LMTK2: variants seen among roughly 807,000 people sequenced by gnomAD.
LMTK2 encodes the protein lemur tail kinase 2, also known as serine/threonine-protein kinase LMTK2.
LMTK2 carries 37 observed loss-of-function variants against 127.5 expected under a neutral mutation model. The ratio of observed to expected loss-of-function variants is 0.29; its 90% CI spans 0.22 to 0.38. The LOEUF (loss-of-function observed/expected upper bound fraction) is 0.38. Among genes scored for constraint, LMTK2 ranks in the 10% least tolerant of loss-of-function variants. The pLI, the probability that LMTK2 is intolerant of heterozygous loss-of-function variation, is 1.00. For missense variants in LMTK2, 1,694 were observed against 1,920.3 expected, an observed-to-expected ratio of 0.88 and a Z score of 2.20; for synonymous variants, 819 against 810.1, an observed-to-expected ratio of 1.01 and a Z score of -0.19.
At chr7:98,174,526 C>A (rs1253102431) in intron 7 of LMTK2, among the ~76,000 whole-genome samples, 2 of 152,186 alleles carry the variant, frequency 1.3e-5, no homozygotes, top group Admixed American at 1.3e-4. Context: ...ACTTCCTGTC[C>A]CCTGCCTGCC....
intron 7 of LMTK2, among the ~76,000 whole-genome samples, chr7:98,179,087 C>T (rs1030024557): frequency 2.6e-5 from 4 of 152,232 alleles, no homozygotes; most frequent in Admixed American, 6.5e-5. Context: ...AGAAGCATTG[C>T]CTTTTCCCCT....
intron 1 of LMTK2, among the ~76,000 whole-genome samples, chr7:98,110,846 C>G (rs1246423008): frequency 6.6e-6 from 1 of 152,216 alleles, no homozygotes; most frequent in Non-Finnish European, 1.5e-5. Flanking sequence ...CAGTGGGACT[C>G]AGCTACTGAT....
chr7:98,186,874 C>T lies in LMTK2; in HGVS notation c.877-3C>T, dbSNP rs1395107583. 5 of 1,610,422 alleles carry T rather than the reference C, an allele frequency of 3.1e-6. No individual in the cohort carries two copies. The South Asian group carries it at 5.5e-5, about 18-fold the overall frequency. ...AAATTCTGTGTGCTTTCTAACAAAA[C>T]AGGAGGATTATATTGAAACAGATGA... On this transcript the variant is annotated splice_region_variant and splice_polypyrimidine_tract_variant and intron_variant, in intron 8 of 13. Coordinates refer to ENST00000297293, the MANE Select transcript of LMTK2 (RefSeq NM_014916.4).
At chr7:98,129,035 T>A (rs1219873037) in intron 1 of LMTK2, among the ~76,000 whole-genome samples, 1 of 152,104 alleles carries the variant, frequency 6.6e-6, no homozygotes, top group Non-Finnish European at 1.5e-5. Context: ...TGAAGGATGC[T>A]TCTCTTATAA....
Position 98,193,731 on chromosome 7 carries a change from C to T in LMTK2, c.3266C>T (p.Pro1089Leu), listed in dbSNP as rs36046579. The change falls in exon 11 of 14, where the codon CCT becomes CTT. Residue 1089 changes from proline to leucine, a missense_variant. By Grantham distance (98) the Pro-to-Leu change is moderately conservative. Around this residue, in one of 8 missense-constraint regions of LMTK2, gnomAD observed 554 missense variants for 567.7 expected, o/e 0.98. Coordinates refer to ENST00000297293, the MANE Select transcript of LMTK2 (RefSeq NM_014916.4). This position sits in a 1 kb window ranked among gnomAD's most constrained non-coding sequence, Gnocchi z 4.1. Reference sequence around the variant, plus strand: ...GGTCACAGAGGCACAGAAGTGACCCCTGAGACGTTCACAGCTGGCTCCCAG... The same window carrying T: ...GGTCACAGAGGCACAGAAGTGACCCTTGAGACGTTCACAGCTGGCTCCCAG... The part of the protein sequence containing the change: ...GDGHRGTEVT[P>L]ETFTAGSQGS... The T allele has an allele frequency of 6.2e-7, 1 of 1,613,914 alleles. No individual in the cohort carries two copies. The highest frequency in any genetic ancestry group is 1.1e-5 in the South Asian group (1 of 91,076).
intron 4 of LMTK2, 150 bp from the exon 5 acceptor site, chr7:98,154,608 C>T (rs1796900840): frequency 1.7e-6 from 1 of 581,986 alleles, no homozygotes; most frequent in African/African-American, 1.9e-5. Flanking sequence ...TTTGAGTTTT[C>T]CAAGCTTTTG....
At position 98,191,746 on chromosome 7, in the gene LMTK2, C is replaced by A. The variant is rs373397163; in HGVS notation, c.1281C>A (p.Asn427Lys). ...DSEVDFEQQW[N>K]ALKPNTNSRD... is the part of the protein sequence containing the mutation. ...AGGTCGACTTTGAACAGCAGTGGAA[C>A]GCTCTGAAGCCGAACACAAACAGCA... Residue 427 changes from asparagine (N) to lysine (K), a missense_variant, in exon 11 of 14, where the codon AAC (asparagine) becomes AAA (lysine). Coordinates refer to ENST00000297293, the MANE Select transcript of LMTK2 (RefSeq NM_014916.4). 6.2e-7 allele frequency: 1 copy of A among 1,614,124 alleles called. No individual in the cohort carries two copies. The highest frequency in any genetic ancestry group is 1.1e-5 in the South Asian group (1 of 91,080).
Position 98,209,347 on chromosome 7 carries a change from C to G in LMTK2, c.*3855C>G, listed in dbSNP as rs1383969691. The G allele has an allele frequency of 6.6e-6, 1 of 152,170 alleles. No homozygotes were observed. Among genetic ancestry groups the G allele is most frequent in the African/African-American group, 2.4e-5 (1 of 41,440 alleles). The allele number at this position is 152,170 out of a possible 1,614,324, so 9.4% of individuals were successfully genotyped here. A position where few individuals can be genotyped will look rare whatever the true frequency, so the allele number is the denominator to read the frequency against. On this transcript the variant is annotated 3_prime_UTR_variant, in exon 14 of 14. Coordinates refer to ENST00000297293, the MANE Select transcript of LMTK2 (RefSeq NM_014916.4). ...GTTAAGCACTCAGGCCTACGTGGGCCGAGCGGGATCTTGATCATGGGGCTG... is the reference window on the plus strand; with the variant it reads ...GTTAAGCACTCAGGCCTACGTGGGCGGAGCGGGATCTTGATCATGGGGCTG...
At chr7:98,167,989 G>A (rs756171910) in intron 6 of LMTK2, among the ~76,000 whole-genome samples, 25 of 152,176 alleles carry the variant, frequency 1.6e-4, no homozygotes, top group Non-Finnish European at 2.2e-4. Flanking sequence ...GATGAGACCC[G>A]ACCAGCTGTG....
intron 1 of LMTK2, among the ~76,000 whole-genome samples, chr7:98,127,586 G>T (rs942306824): frequency 6.6e-6 from 1 of 152,236 alleles, no homozygotes; most frequent in Non-Finnish European, 1.5e-5. Context: ...CAGTTAGAAG[G>T]CAGGATGCCC....
Position 98,171,683 on chromosome 7 carries a change from C to T in LMTK2, c.791+9C>T, listed in dbSNP as rs1194784616. The T allele has an allele frequency of 7.7e-6, 12 of 1,567,262 alleles. No homozygotes were observed. In the Admixed American group the frequency reaches 2.2e-4, roughly 28 times the overall value. ...CTGCACTTCCTGCACAGGTGGGTAC[C>T]TGCGTCAGCGGTGCACGCCCCACAC... On this transcript the variant is annotated intron_variant, in intron 7 of 13. Transcript: ENST00000297293. The surrounding 1 kb of genome is among the most constrained non-coding windows in gnomAD (Gnocchi z 5.1).
chr7:98,198,166 G>A (rs1797655605), intron 11 of LMTK2, among the ~76,000 whole-genome samples: 1 of 148,198 alleles, frequency 6.7e-6, no homozygotes, highest in African/African-American at 2.5e-5. Context: ...TTCTAGAAAA[G>A]CTTAGAATTC....
rs1157178004 is a variant in LMTK2 at position 98,171,474 on chromosome 7, C to T, written c.658-67C>T. On this transcript the variant is annotated intron_variant, in intron 6 of 13. Coordinates refer to ENST00000297293, the MANE Select transcript of LMTK2 (RefSeq NM_014916.4). This position sits in a 1 kb window ranked among gnomAD's most constrained non-coding sequence, Gnocchi z 5.1. ...TCTTAACAGTTAGTGTTCACCGAGG[C>T]ACGTATTTAAGCGCTCACTTTATTC... The T allele has an allele frequency of 1.3e-6, 2 of 1,598,356 alleles. No individual in the cohort carries two copies. Among genetic ancestry groups the T allele is most frequent in the African/African-American group, 2.7e-5 (2 of 74,594 alleles).
At chr7:98,185,258 C>A in intron 8 of LMTK2, 123 bp downstream of exon 8, 1 of 672,746 alleles carries the variant, frequency 1.5e-6, no homozygotes, top group Non-Finnish European at 2.6e-6. Context: ...GAGGGATTTG[C>A]AGCAGTCATT....
chr7:98,132,053 G>GC (rs1796527076), intron 1 of LMTK2, among the ~76,000 whole-genome samples: 1 of 152,212 alleles, frequency 6.6e-6, no homozygotes, highest in Non-Finnish European at 1.5e-5. Flanking sequence ...ACCCAGGCCT[G>GC]CCGGGACCCT....
chr7:98,171,289 C>T lies in LMTK2; in HGVS notation c.658-252C>T. Among the ~76,000 whole-genome samples, 1 of 152,254 alleles carries T rather than the reference C, an allele frequency of 6.6e-6. No individual in the cohort carries two copies. Among genetic ancestry groups the T allele is most frequent in the South Asian group, 2.1e-4 (1 of 4,816 alleles). On this transcript the variant is annotated intron_variant, in intron 6 of 13. Coordinates refer to ENST00000297293, the MANE Select transcript of LMTK2 (RefSeq NM_014916.4). The surrounding 1 kb of genome is among the most constrained non-coding windows in gnomAD (Gnocchi z 5.1). ...CATTTAGTTTAAATGTGCATCATTG[C>T]AAAACTATCTTTTTTTAAACTGTTT...
chr7:98,115,431 A>G (rs116921804), intron 1 of LMTK2, among the ~76,000 whole-genome samples: 8 of 151,956 alleles, frequency 5.3e-5, no homozygotes, highest in Non-Finnish European at 1.0e-4. Flanking sequence ...AAAAGAAAGA[A>G]GAAAGAAAGA....
intron 11 of LMTK2, among the ~76,000 whole-genome samples, chr7:98,196,400 G>A (rs1052339151): frequency 7.2e-5 from 11 of 152,270 alleles, no homozygotes; most frequent in African/African-American, 1.7e-4. Context: ...CTGGCCCCTC[G>A]GGTTTGTGTT....
intron 12 of LMTK2, 39 bp downstream of exon 12, chr7:98,203,745 A>G (rs1295721115): frequency 1.2e-6 from 2 of 1,609,210 alleles, no homozygotes; most frequent in African/African-American, 1.3e-5. Flanking sequence ...GGAAACTGAA[A>G]AATTGAGTAA....
Sources: allele counts gnomAD v4.1 joint callset (sites outside exome capture counted in the v4.1 genomes callset), GRCh38; gene constraint gnomAD v4.1.1; regional missense constraint gnomAD v4.1.1; non-coding constraint Gnocchi (gnomAD v3.1); transcripts MANE v1.5; gene names NCBI Gene and HGNC (gene_info 2026-07-23, HGNC 2026-07-21).